HDAC9: variants seen among roughly 807,000 people sequenced by gnomAD.
The protein encoded by HDAC9 is histone deacetylase 9.
Under a neutral mutation model 139.4 loss-of-function variants are expected in HDAC9, and 41 were observed. The observed-to-expected ratio is 0.29, with a 90% CI of 0.23 to 0.38. HDAC9 has a LOEUF of 0.38. Ranked by LOEUF, HDAC9 falls within the 10% of genes least tolerant of loss-of-function variation. The pLI is 1.00. For synonymous variants in HDAC9, 517 were observed against 476.2 expected, an observed-to-expected ratio of 1.09 and a Z score of -1.12; for missense variants, 1,147 against 1,297.0, an observed-to-expected ratio of 0.88 and a Z score of 1.78.
chr7:18,846,590 C>G (rs551582499), intron 21 of HDAC9, among the ~76,000 whole-genome samples: 5 of 152,116 alleles, frequency 3.3e-5, no homozygotes, highest in African/African-American at 1.2e-4. Context: ...TTCAGAAGTA[C>G]GAAGACTTAT....
chr7:18,886,788 C>T (rs1335166201), intron 22 of HDAC9, among the ~76,000 whole-genome samples: 1 of 152,094 alleles, frequency 6.6e-6, no homozygotes, highest in African/African-American at 2.4e-5. Context: ...TTGCCAGGGA[C>T]AAATTTTAAA....
Position 18,345,050 on chromosome 7 carries a change from A to G in HDAC9, c.-42+54535A>G, listed in dbSNP as rs17139072. 4.1e-3 allele frequency among the ~76,000 whole-genome samples: 626 copies of G among 152,086 alleles called. 27 individuals carry two copies. In the East Asian group the frequency reaches 0.091, roughly 22 times the overall value. On this transcript the variant is annotated intron_variant, in intron 1 of 3. Transcript: ENST00000413509. ...CACATCTTAATGGAAATAAGAGAAG[A>G]TGAAGTTTATAGCCCTTCACTTATG...
intron 1 of HDAC9, among the ~76,000 whole-genome samples, chr7:18,471,811 A>C (rs754967031): frequency 2.0e-5 from 3 of 152,246 alleles, no homozygotes; most frequent in Non-Finnish European, 2.9e-5. Context: ...CCTTGTGGAG[A>C]GAAAATCAGA....
intron 1 of HDAC9, among the ~76,000 whole-genome samples, chr7:18,089,924 TTTG>T (rs916116309): frequency 1.7e-4 from 15 of 88,454 alleles, no homozygotes; most frequent in South Asian, 9.8e-4. Context: ...TTGGTTTTTT[TTTG>T]TTTGTTTTAA....
At chr7:18,951,177 A>G (rs1782766992) in intron 23 of HDAC9, among the ~76,000 whole-genome samples, 1 of 152,020 alleles carries the variant, frequency 6.6e-6, no homozygotes, top group South Asian at 2.1e-4. Flanking sequence ...GAACCTGGAA[A>G]TTACTTATAA....
chr7:18,435,495 T>A lies in HDAC9; in HGVS notation c.-41-60767T>A, dbSNP rs183494712. ...TTGTACTATACTAGTAGCAAAACTT[T>A]CGAGAGAGAGAAGGTATTGGAAAAC... On this transcript the variant is annotated intron_variant, in intron 1 of 3. Transcript: ENST00000413509. Among the ~76,000 whole-genome samples, 304 of 152,270 alleles carry A rather than the reference T, an allele frequency of 2.0e-3. 1 individual carries two copies. The highest frequency in any genetic ancestry group is 5.0e-3 in the Admixed American group (77 of 15,302).
chr7:18,126,976 A>C (rs1191521265), intron 1 of HDAC9, among the ~76,000 whole-genome samples: 1 of 152,204 alleles, frequency 6.6e-6, no homozygotes, highest in Non-Finnish European at 1.5e-5. Flanking sequence ...TACGTGAACG[A>C]AAGAGGATAA....
chr7:18,107,677 C>T (rs1253880197), intron 1 of HDAC9, among the ~76,000 whole-genome samples: 5 of 152,124 alleles, frequency 3.3e-5, no homozygotes, highest in Non-Finnish European at 7.4e-5. Flanking sequence ...AAACTGACAC[C>T]TCCCCTAACA....
chr7:18,953,759 C>A (rs915651165), intron 23 of HDAC9, among the ~76,000 whole-genome samples: 1 of 152,098 alleles, frequency 6.6e-6, no homozygotes, highest in Non-Finnish European at 1.5e-5. Flanking sequence ...AGAGTGCCCA[C>A]TTTCTGTCTA....
At chr7:18,359,649 C>T (rs1203819614) in intron 1 of HDAC9, among the ~76,000 whole-genome samples, 1 of 152,168 alleles carries the variant, frequency 6.6e-6, no homozygotes, top group Admixed American at 6.5e-5. Flanking sequence ...CATTCTGTCA[C>T]CCAGGCTGGA....
At chr7:18,509,264 T>C in intron 2 of HDAC9, 2 of 985,344 alleles carry the variant, frequency 2.0e-6, no homozygotes, top group Non-Finnish European at 2.4e-6. Context: ...GTTCTGGAGC[T>C]ATTTTAATCT....
At chr7:18,665,686 T>C (rs750685626) in intron 11 of HDAC9, among the ~76,000 whole-genome samples, 1 of 152,122 alleles carries the variant, frequency 6.6e-6, no homozygotes, top group Non-Finnish European at 1.5e-5. Flanking sequence ...CAAATATATA[T>C]AAGAAGATGC....
intron 21 of HDAC9, among the ~76,000 whole-genome samples, chr7:18,867,701 T>C (rs62448076): frequency 0.076 from 11,600 of 152,212 alleles, 853 homozygotes; most frequent in African/African-American, 0.19. Flanking sequence ...CAAATTCATA[T>C]ACTTGAGTAT....
At chr7:18,121,604 C>A (rs1053763705) in intron 1 of HDAC9, among the ~76,000 whole-genome samples, 1 of 149,772 alleles carries the variant, frequency 6.7e-6, no homozygotes, top group Non-Finnish European at 1.5e-5. Flanking sequence ...AGCTTTTAAT[C>A]AACATTCAAT....
chr7:18,202,665 A>G (rs147122726), intron 2 of HDAC9, among the ~76,000 whole-genome samples: 213 of 152,338 alleles, frequency 1.4e-3, no homozygotes, highest in Non-Finnish European at 2.5e-3. Context: ...TGGAGTTGAA[A>G]TCATGATTAT....
Position 18,781,969 on chromosome 7 carries a change from G to A in HDAC9, c.2215-11376G>A, listed in dbSNP as rs1386924697. Among the ~76,000 whole-genome samples the A allele has an allele frequency of 2.0e-5, 3 of 152,198 alleles. No individual in the cohort carries two copies. The East Asian group carries it at 5.8e-4, about 29-fold the overall frequency. ...GATTTTTATTTTATTTTGCGGTTTA[G>A]CTTTAATACAACCTGCTAAAATGGC... is the stretch of plus-strand genomic sequence containing the variant. On this transcript the variant is annotated intron_variant, in intron 16 of 25. Transcript: ENST00000686413.
intron 21 of HDAC9, among the ~76,000 whole-genome samples, chr7:18,852,330 T>G (rs1367261965): frequency 1.3e-5 from 2 of 152,188 alleles, no homozygotes; most frequent in African/African-American, 2.4e-5. Flanking sequence ...CCAAGTCTTG[T>G]GAGTAGCCCA....
rs370812864 is a variant in HDAC9, at chr7:18,456,010, C to T, written c.-41-40252C>T. 7.2e-5 allele frequency among the ~76,000 whole-genome samples: 11 copies of T among 152,142 alleles called. No homozygotes were observed. The East Asian group carries it at 1.7e-3, about 24-fold the overall frequency. On this transcript the variant is annotated intron_variant, in intron 1 of 3. Coordinates refer to the HDAC9 transcript ENST00000413509. ...TTTTACTTGCTAGGGAGATTTAACT[C>T]CTTAAAATATTTGTGAGTTTCCATC...
chr7:18,942,279 T>A (rs1055947959), intron 23 of HDAC9, among the ~76,000 whole-genome samples: 1 of 152,112 alleles, frequency 6.6e-6, no homozygotes, highest in Non-Finnish European at 1.5e-5. Flanking sequence ...TATGAGCTAA[T>A]GTCTAAGGAA....
Sources: allele counts gnomAD v4.1 joint callset (sites outside exome capture counted in the v4.1 genomes callset), GRCh38; gene constraint gnomAD v4.1.1; transcripts MANE v1.5; gene names NCBI Gene and HGNC (gene_info 2026-07-23, HGNC 2026-07-21).